PTDSS2: variants seen among roughly 807,000 people sequenced by gnomAD.
PTDSS2 encodes the protein phosphatidylserine synthase 2, also known as PSS-2.
Under a neutral mutation model 64.7 loss-of-function variants are expected in PTDSS2, and 41 were observed. That is an observed-to-expected ratio of 0.63 (90% CI 0.49 to 0.82). PTDSS2 has a LOEUF of 0.82. Among genes scored for constraint, PTDSS2 ranks in the 40% least tolerant of loss-of-function variants. The pLI, the probability that PTDSS2 is intolerant of heterozygous loss-of-function variation, is 0.00. For missense variants in PTDSS2, 485 were observed against 650.0 expected, an observed-to-expected ratio of 0.75 and a Z score of 2.76; for synonymous variants, 297 against 277.8, an observed-to-expected ratio of 1.07 and a Z score of -0.69.
rs1378348592 is a variant in PTDSS2 at position 462,739 on chromosome 11, A to ACACAGAGGGTGTCCG, written c.284+2456_284+2470dup. Reference sequence around the variant, plus strand: ...CTACCTGCCCCTACGCAGGGTGTCCACACAGAGGGTGTCCGCACACAGGGT... The same window carrying ACACAGAGGGTGTCCG: ...CTACCTGCCCCTACGCAGGGTGTCCACACAGAGGGTGTCCGCACAGAGGGTGTCCGCACACAGGGT... On this transcript the variant is annotated intron_variant, in intron 2 of 11. Transcript: ENST00000308020. This position sits in a 1 kb window ranked among gnomAD's most constrained non-coding sequence, Gnocchi z 4.5. Among the ~76,000 whole-genome samples the ACACAGAGGGTGTCCG allele has an allele frequency of 6.6e-6, 1 of 152,148 alleles. No homozygotes were observed. The highest frequency in any genetic ancestry group is 1.5e-5 in the Non-Finnish European group (1 of 68,000).
Position 461,210 on chromosome 11 carries a change from C to T in PTDSS2, c.284+922C>T, listed in dbSNP as rs1463489920. Among the ~76,000 whole-genome samples the T allele has an allele frequency of 3.9e-5, 6 of 152,118 alleles. No individual in the cohort carries two copies. Among genetic ancestry groups the T allele is most frequent in the Admixed American group, 1.3e-4 (2 of 15,276 alleles). Reference sequence around the variant, plus strand: ...ACTTCATTTTGTAAAGCAAGAGTCTCGCTATCTTCGTGACTGTTGGGTGGG... The same window carrying T: ...ACTTCATTTTGTAAAGCAAGAGTCTTGCTATCTTCGTGACTGTTGGGTGGG... On this transcript the variant is annotated intron_variant, in intron 2 of 11. Transcript: ENST00000308020. The surrounding 1 kb of genome is among the most constrained non-coding windows in gnomAD (Gnocchi z 4.2).
chr11:488,651 C>T lies in PTDSS2; in HGVS notation c.854+4C>T, dbSNP rs201528536. ...TCTGGAACATTCCGACCTACAAGTA[C>T]GTCGTGGGGGCTGCGAGGGCAGGGC... On this transcript the variant is annotated splice_donor_region_variant and intron_variant, in intron 8 of 11. Transcript: ENST00000308020. The T allele has an allele frequency of 9.4e-6, 15 of 1,594,196 alleles. No individual in the cohort carries two copies. Among genetic ancestry groups the T allele is most frequent in the South Asian group, 3.3e-5 (3 of 90,066 alleles).
In PTDSS2 at chr11:489,858, G is replaced by T. The variant is rs749611220; in HGVS notation, c.1116-25G>T. 5.8e-6 allele frequency: 9 copies of T among 1,559,514 alleles called. 1 individual carries two copies. The Admixed American group carries it at 7.7e-5, about 13-fold the overall frequency. On this transcript the variant is annotated intron_variant, in intron 10 of 11. Transcript: ENST00000308020. ...TGGAGGACCCTGCGGGGCCCGGGACGCTGAACCCCCTGCTGCCCCTGCAGG... is the reference window on the plus strand; with the variant it reads ...TGGAGGACCCTGCGGGGCCCGGGACTCTGAACCCCCTGCTGCCCCTGCAGG...
chr11:476,670 C>T lies in PTDSS2; in HGVS notation c.368-2415C>T, dbSNP rs1361777761. On this transcript the variant is annotated intron_variant, in intron 3 of 11. Transcript: ENST00000308020. This position sits in a 1 kb window ranked among gnomAD's most constrained non-coding sequence, Gnocchi z 4.9. ...AGGAGCTCTGGCGCAGGTCACCTGG[C>T]GGGATGTGGAGCATCTGGGCCTGAA... is the stretch of plus-strand genomic sequence containing the variant. Among the ~76,000 whole-genome samples the T allele has an allele frequency of 6.6e-6, 1 of 152,122 alleles. No homozygotes were observed. Among genetic ancestry groups the T allele is most frequent in the Non-Finnish European group, 1.5e-5 (1 of 68,018 alleles).
At chr11:451,171 G>A (rs985791443) in intron 1 of PTDSS2, among the ~76,000 whole-genome samples, 1 of 152,222 alleles carries the variant, frequency 6.6e-6, no homozygotes, top group African/African-American at 2.4e-5. Flanking sequence ...TGTAGTCGGT[G>A]TTCGTCGAAT....
intron 3 of PTDSS2, among the ~76,000 whole-genome samples, chr11:475,247 G>GA (rs796114097): frequency 0.015 from 917 of 61,666 alleles, 7 homozygotes; most frequent in Middle Eastern, 0.054. Context: ...GTGTTTGTGT[G>GA]TACGGACATA....
chr11:474,024 C>G (rs780045081), intron 3 of PTDSS2, 47 bp downstream of exon 3: 1 of 1,468,422 alleles, frequency 6.8e-7, no homozygotes, highest in East Asian at 2.3e-5. Context: ...CATTTCTGTT[C>G]TGAGCGGCCA....
chr11:466,231 C>T (rs1396140052), intron 2 of PTDSS2, among the ~76,000 whole-genome samples: 1 of 151,828 alleles, frequency 6.6e-6, no homozygotes, highest in Non-Finnish European at 1.5e-5. Flanking sequence ...AAAGAAATAC[C>T]CAAGACTGGG....
At position 489,534 on chromosome 11, in the gene PTDSS2, C is replaced by A. The variant is rs377735018; in HGVS notation, c.969+20C>A. On this transcript the variant is annotated intron_variant, in intron 9 of 11. Transcript: ENST00000308020. ...CTGGTGGTAAGGCCGGGCTGCCTCG[C>A]GACGGCGCGGCGGGCGGGGGGCCAG... The A allele has an allele frequency of 4.3e-6, 7 of 1,610,474 alleles. No homozygotes were observed. The highest frequency in any genetic ancestry group is 2.7e-5 in the African/African-American group (2 of 74,834).
chr11:489,114 C>T (rs1009300957), intron 8 of PTDSS2, among the ~76,000 whole-genome samples: 3 of 152,240 alleles, frequency 2.0e-5, no homozygotes, highest in African/African-American at 7.2e-5. Context: ...CCCTCTGAGG[C>T]GCTGCAGCCA....
chr11:469,251 G>C (rs572291370), intron 2 of PTDSS2, among the ~76,000 whole-genome samples: 1 of 126,514 alleles, frequency 7.9e-6, no homozygotes, highest in Non-Finnish European at 1.7e-5. Context: ...CTGGGTAATC[G>C]GAAGGAGGAG....
At chr11:490,327 C>T (rs570297657) in intron 11 of PTDSS2, 93 bp from the exon 12 acceptor site, 316 of 1,557,256 alleles carry the variant, frequency 2.0e-4, no homozygotes, top group Non-Finnish European at 2.5e-4. Flanking sequence ...CAGTCCATTC[C>T]GGACCTCCAC....
Position 460,274 on chromosome 11 carries a change from C to T in PTDSS2, c.270C>T (p.Ala90=), listed in dbSNP as rs774026530. 10 of 1,613,874 alleles carry T rather than the reference C, an allele frequency of 6.2e-6. No homozygotes were observed. In the South Asian group the frequency reaches 6.6e-5, roughly 11 times the overall value. ...TGGAGGAAACACCTCAGGACACGGC[C>T]TACAACACCAAGAGGTAAGCTGCCC... The part of the protein sequence containing the change: ...TLLEETPQDT[A]YNTKRGIVAS... The change falls in exon 2 of 12, where the codon GCC becomes GCT. Residue 90 remains alanine (A), a synonymous_variant. Transcript: ENST00000308020. This position sits in a 1 kb window ranked among gnomAD's most constrained non-coding sequence, Gnocchi z 5.8.
intron 1 of PTDSS2, among the ~76,000 whole-genome samples, chr11:456,945 T>A (rs2133759354): frequency 6.6e-6 from 1 of 152,312 alleles, no homozygotes; most frequent in Non-Finnish European, 1.5e-5. Flanking sequence ...AAATGCCTAG[T>A]ATTGTAAAAT....
In PTDSS2 at chr11:489,386, T is replaced by A; in HGVS notation, c.855-14T>A. 2 of 1,609,528 alleles carry A rather than the reference T, an allele frequency of 1.2e-6. No homozygotes were observed. Among genetic ancestry groups the A allele is most frequent in the Non-Finnish European group, 1.7e-6 (2 of 1,177,668 alleles). On this transcript the variant is annotated splice_polypyrimidine_tract_variant and intron_variant, in intron 8 of 11. Transcript: ENST00000308020. ...GGGCTGCCTTCCTCAGGCTGCCGGC[T>A]CTGTGGTTCCCAGGGGCAAGATGAA...
rs370621725 is a variant in PTDSS2, at chr11:450,895, G to C, written c.182+258G>C. Among the ~76,000 whole-genome samples, 6 of 152,114 alleles carry C rather than the reference G, an allele frequency of 3.9e-5. No homozygotes were observed. In the East Asian group the frequency reaches 9.8e-4, roughly 25 times the overall value. On this transcript the variant is annotated intron_variant, in intron 1 of 11. Coordinates refer to ENST00000308020, the MANE Select transcript of PTDSS2 (RefSeq NM_030783.3). Reference sequence around the variant, plus strand: ...CAGACCCTCCCTGCGGCCGCTTTGCGTCTCTCTCGCCGCCCTCCCCACCCC... The same window carrying C: ...CAGACCCTCCCTGCGGCCGCTTTGCCTCTCTCTCGCCGCCCTCCCCACCCC...
chr11:456,323 C>T (rs1846594597), intron 1 of PTDSS2, among the ~76,000 whole-genome samples: 2 of 150,830 alleles, frequency 1.3e-5, no homozygotes, highest in Admixed American at 6.6e-5. Context: ...ACCAGACATG[C>T]GCCACCACAT....
chr11:474,514 A>G (rs1474693267), intron 3 of PTDSS2, among the ~76,000 whole-genome samples: 1 of 151,934 alleles, frequency 6.6e-6, no homozygotes, highest in Non-Finnish European at 1.5e-5. Flanking sequence ...GGTGCCGCCC[A>G]CCCCCTGCCC....
chr11:490,778 A>ACGTGTGTATG lies in PTDSS2; in HGVS notation c.*204_*213dup, dbSNP rs1223968745. 1 of 610,814 alleles carries ACGTGTGTATG rather than the reference A, an allele frequency of 1.6e-6. No individual in the cohort carries two copies. Among genetic ancestry groups the ACGTGTGTATG allele is most frequent in the Non-Finnish European group, 2.8e-6 (1 of 350,948 alleles). 37.8% of individuals were successfully genotyped at this position (610,814 alleles called of 1,614,324 possible). A position where few individuals can be genotyped will look rare whatever the true frequency, so the allele number is the denominator to read the frequency against. ...CTCATCTCCATGTGTACACGTGTGT[A>ACGTGTGTATG]CGTGTGTATGCGTGTGTGTACGCGT... On this transcript the variant is annotated 3_prime_UTR_variant, in exon 12 of 12. Transcript: ENST00000308020.
Sources: gnomAD v4.1 joint callset for allele counts (sites outside exome capture counted in the v4.1 genomes callset) on GRCh38, gnomAD v4.1.1 for gene constraint, Gnocchi (gnomAD v3.1) non-coding constraint, MANE v1.5 for transcripts, NCBI Gene and HGNC (gene_info 2026-07-23, HGNC 2026-07-21) for gene names.